Variants in ENOX2 observed in about 807,000 individuals in gnomAD.
The protein encoded by ENOX2 is ecto-NOX disulfide-thiol exchanger 2, also known as APK1 antigen.
In ENOX2, 36 loss-of-function variants were observed where a neutral mutation model predicts 45.0. The ratio of observed to expected loss-of-function variants is 0.80; its 90% CI spans 0.61 to 1.06. The LOEUF (loss-of-function observed/expected upper bound fraction) is 1.06, where lower values mean the gene tolerates loss of function less well. Ranked by LOEUF, ENOX2 falls within the 50% of genes least tolerant of loss-of-function variation. The pLI is 0.00. For missense variants in ENOX2, 423 were observed against 462.5 expected, an observed-to-expected ratio of 0.91 and a Z score of 0.78; for synonymous variants, 174 against 152.3, an observed-to-expected ratio of 1.14 and a Z score of -1.05.
At chrX:130,760,453 G>C (rs1474737417) in intron 3 of ENOX2, among the ~76,000 whole-genome samples, 2 of 110,620 alleles carry the variant, frequency 1.8e-5, no homozygotes, top group Non-Finnish European at 3.8e-5. Flanking sequence ...GTTTTTCACA[G>C]GTACATACAA....
At chrX:130,899,672 G>C (rs1300094413) in intron 2 of ENOX2, among the ~76,000 whole-genome samples, 2 of 112,130 alleles carry the variant, frequency 1.8e-5, no homozygotes, top group African/African-American at 6.5e-5. Flanking sequence ...AAGGGTCACA[G>C]ATCATGGTCA....
chrX:130,720,799 T>C (rs1331292278), intron 3 of ENOX2, among the ~76,000 whole-genome samples: 1 of 111,610 alleles, frequency 9.0e-6, no homozygotes, highest in Non-Finnish European at 1.9e-5. Context: ...GAGCTTAGCA[T>C]CTACTTGTGG....
In ENOX2 at chrX:130,744,308, T is replaced by C. The variant is rs192709375; in HGVS notation, c.-39+39239A>G. Among the ~76,000 whole-genome samples, 9 of 112,447 alleles carry C rather than the reference T, an allele frequency of 8.0e-5. No homozygotes were observed. In the Admixed American group the frequency reaches 8.4e-4, roughly 11 times the overall value. On this transcript the variant is annotated intron_variant, in intron 3 of 14. Coordinates refer to ENST00000394363, the MANE Select transcript of ENOX2 (RefSeq NM_006375.4). ...TCTACTTTATCTGTTTTCAACTTTA[T>C]AACATTAAATATTACGAGCTGATGG... is the stretch of plus-strand genomic sequence containing the variant.
At chrX:130,803,425 A>T (rs2077253316) in intron 2 of ENOX2, among the ~76,000 whole-genome samples, 1 of 111,962 alleles carries the variant, frequency 8.9e-6, no homozygotes, top group Non-Finnish European at 1.9e-5. Flanking sequence ...ACCACAAAAG[A>T]GAGCCCTTAG....
At chrX:130,704,156 C>T (rs755916530) in intron 3 of ENOX2, among the ~76,000 whole-genome samples, 1 of 112,013 alleles carries the variant, frequency 8.9e-6, no homozygotes, top group Non-Finnish European at 1.9e-5. Flanking sequence ...TTTACTATCT[C>T]CAGTTAAACA....
intron 2 of ENOX2, among the ~76,000 whole-genome samples, chrX:130,851,241 C>T (rs2078202390): frequency 9.0e-6 from 1 of 111,512 alleles, no homozygotes; most frequent in Admixed American, 9.5e-5. Context: ...TTAGCCTAGC[C>T]CTAATTTTTA....
At chrX:130,803,026 T>C (rs1347647063) in intron 2 of ENOX2, among the ~76,000 whole-genome samples, 1 of 111,998 alleles carries the variant, frequency 8.9e-6, no homozygotes, top group African/African-American at 3.2e-5. Flanking sequence ...GAATGAGTAT[T>C]ACTTATGGAA....
At chrX:130,855,289 C>T (rs921196678) in intron 2 of ENOX2, among the ~76,000 whole-genome samples, 19 of 111,700 alleles carry the variant, frequency 1.7e-4, no homozygotes, top group Admixed American at 2.9e-4. Flanking sequence ...ATACCATTTA[C>T]AATTGTTCAA....
chrX:130,691,881 A>G (rs2037607304), intron 4 of ENOX2, among the ~76,000 whole-genome samples: 1 of 113,116 alleles, frequency 8.8e-6, no homozygotes, highest in African/African-American at 3.2e-5. Flanking sequence ...CAAACAAAAA[A>G]CAAATATACA....
chrX:130,647,575 T>C (rs2036270825), intron 10 of ENOX2, among the ~76,000 whole-genome samples: 1 of 112,477 alleles, frequency 8.9e-6, no homozygotes, highest in South Asian at 3.7e-4. Flanking sequence ...CTAGCATATT[T>C]GATCCTAAGA....
intron 2 of ENOX2, among the ~76,000 whole-genome samples, chrX:130,870,940 G>A (rs1196038769): frequency 9.1e-6 from 1 of 109,322 alleles, no homozygotes; most frequent in Non-Finnish European, 1.9e-5. Flanking sequence ...CGGAGAGAGA[G>A]AGACAGAGAG....
intron 2 of ENOX2, among the ~76,000 whole-genome samples, chrX:130,801,773 T>C (rs1357212135): frequency 8.9e-6 from 1 of 112,121 alleles, no homozygotes; most frequent in Non-Finnish European, 1.9e-5. Flanking sequence ...ATTTTCCAAA[T>C]AGAAACTCCA....
chrX:130,631,437 G>A, intron 13 of ENOX2, 31 bp downstream of exon 13: 1 of 810,698 alleles, frequency 1.2e-6, no homozygotes, highest in Non-Finnish European at 1.9e-6. Context: ...CCCAGGCATT[G>A]TACGTGGCAT....
rs779464061 is a variant in ENOX2 at position 130,693,854 on chromosome X, C to A, written c.98-4836G>T. Among the ~76,000 whole-genome samples, 13 of 111,724 alleles carry A rather than the reference C, an allele frequency of 1.2e-4. No individual in the cohort carries two copies. The South Asian group carries it at 3.0e-3, about 26-fold the overall frequency. On this transcript the variant is annotated intron_variant, in intron 4 of 14. Coordinates refer to ENST00000394363, the MANE Select transcript of ENOX2 (RefSeq NM_006375.4). ...GGCATTAAGAGAGATGCAATTTCTA[C>A]CTTTTGTCTCTAGAAATGTGTGATA...
intron 3 of ENOX2, among the ~76,000 whole-genome samples, chrX:130,749,739 G>T (rs1209907720): frequency 9.0e-6 from 1 of 110,971 alleles, no homozygotes; most frequent in Non-Finnish European, 1.9e-5. Flanking sequence ...AGTAGTGATG[G>T]TGGGGCCTTT....
chrX:130,677,455 A>G (rs1015382234), intron 6 of ENOX2, among the ~76,000 whole-genome samples: 3 of 112,435 alleles, frequency 2.7e-5, no homozygotes, highest in South Asian at 3.7e-4. Context: ...TGTTATACCA[A>G]TGAAGATGCT....
intron 3 of ENOX2, among the ~76,000 whole-genome samples, chrX:130,750,297 T>A (rs1006203382): frequency 1.8e-5 from 2 of 110,930 alleles, no homozygotes; most frequent in Non-Finnish European, 3.8e-5. Flanking sequence ...CTGTTAATAC[T>A]TTGTCTCTTT....
At chrX:130,837,053 T>C (rs1245787291) in intron 2 of ENOX2, among the ~76,000 whole-genome samples, 2 of 112,114 alleles carry the variant, frequency 1.8e-5, no homozygotes, top group Non-Finnish European at 3.8e-5. Context: ...AAGAAGCATA[T>C]GGCAGGTTGA....
At chrX:130,827,745 A>AG (rs2077745975) in intron 2 of ENOX2, among the ~76,000 whole-genome samples, 1 of 111,982 alleles carries the variant, frequency 8.9e-6, no homozygotes, top group Non-Finnish European at 1.9e-5. Context: ...AAAGCCAATG[A>AG]GGAAAAAAAG....
Sources: allele counts gnomAD v4.1 joint callset (sites outside exome capture counted in the v4.1 genomes callset), GRCh38; gene constraint gnomAD v4.1.1; transcripts MANE v1.5; gene names NCBI Gene and HGNC (gene_info 2026-07-23, HGNC 2026-07-21).